GTF2E2: variants seen among roughly 807,000 people sequenced by gnomAD.
GTF2E2 encodes the protein transcription initiation factor IIE subunit beta.
In GTF2E2, 21 loss-of-function variants were observed where a neutral mutation model predicts 40.5. The ratio of observed to expected loss-of-function variants is 0.52; its 90% CI spans 0.37 to 0.75. The LOEUF (loss-of-function observed/expected upper bound fraction) is 0.75, where lower values mean the gene tolerates loss of function less well. Ranked by LOEUF, GTF2E2 falls within the 30% of genes least tolerant of loss-of-function variation. The pLI, the probability that GTF2E2 is intolerant of heterozygous loss-of-function variation, is 0.00. For synonymous variants in GTF2E2, 117 were observed against 121.6 expected (o/e 0.96, Z 0.25); for missense variants, 298 against 338.4 (o/e 0.88, Z 0.94).
intron 2 of GTF2E2, chr8:30,636,926 C>G (rs1254077958): frequency 4.6e-6 from 2 of 437,524 alleles, no homozygotes; most frequent in African/African-American, 4.1e-5. Context: ...GAAATATTAC[C>G]TACGTAGTTC....
At chr8:30,641,869 C>G (rs113541553) in intron 2 of GTF2E2, among the ~76,000 whole-genome samples, 1 of 152,054 alleles carries the variant, frequency 6.6e-6, no homozygotes, top group South Asian at 2.1e-4. Context: ...GAACGAGACT[C>G]TGTCTCAAAC....
intron 3 of GTF2E2, among the ~76,000 whole-genome samples, chr8:30,623,757 T>G (rs529147410): frequency 2.6e-5 from 4 of 152,244 alleles, no homozygotes; most frequent in South Asian, 2.1e-4. Flanking sequence ...TGCATTTCTC[T>G]GATGGCCAGT....
Position 30,657,186 on chromosome 8 carries a change from TGTGTACTAA to T in GTF2E2, c.-5+778_-5+786del, listed in dbSNP as rs564080226. On this transcript the variant is annotated intron_variant, in intron 1 of 7. Coordinates refer to ENST00000355904, the MANE Select transcript of GTF2E2 (RefSeq NM_002095.6). ...CTCCTTTTTCAAAGACTACCCAATA[TGTGTACTAA>T]GTTTTAGATCTCTGGACCCCCCTAT... 8.4e-4 allele frequency among the ~76,000 whole-genome samples: 128 copies of T among 152,272 alleles called. 3 individuals are homozygous for T. The highest frequency in any genetic ancestry group is 7.5e-3 in the Admixed American group (115 of 15,290).
rs1554565396 is a variant in GTF2E2 at position 30,658,143 on chromosome 8, T to TGGCGGTGGCGGC, written c.-176_-175insGCCGCCACCGCC. The TGGCGGTGGCGGC allele has an allele frequency of 7.0e-5, 13 of 185,614 alleles. No individual in the cohort carries two copies. Among genetic ancestry groups the TGGCGGTGGCGGC allele is most frequent in the South Asian group, 2.5e-4 (3 of 11,872 alleles). 11.5% of individuals were successfully genotyped at this position (185,614 alleles called of 1,614,324 possible). A position where few individuals can be genotyped will look rare whatever the true frequency, so the allele number is the denominator to read the frequency against. ...CAGGTCGGGGTCTCACCACTGGCGG[T>TGGCGGTGGCGGC]GGCGGCGGCGGCGGCGGCAGCGGCG... On this transcript the variant is annotated 5_prime_UTR_variant, in exon 1 of 8. Transcript: ENST00000355904.
At position 30,590,583 on chromosome 8, in the gene GTF2E2, A is replaced by G. The variant is rs77928828; in HGVS notation, c.644-10187T>C. On this transcript the variant is annotated intron_variant, in intron 6 of 7. Coordinates refer to ENST00000355904, the MANE Select transcript of GTF2E2 (RefSeq NM_002095.6). ...GGAAAAACCCCTAACTCCTAGAGGA[A>G]AAAACAGAGGTAAATCTTCATGACC... is the stretch of plus-strand genomic sequence containing the variant. Among the ~76,000 whole-genome samples the G allele has an allele frequency of 6.7e-4, 102 of 152,344 alleles. 2 individuals carry two copies. The East Asian group carries it at 0.018, about 27-fold the overall frequency.
At position 30,658,165 on chromosome 8, in the gene GTF2E2, G is replaced by A; in HGVS notation, c.-197C>T. The A allele has an allele frequency of 5.1e-6, 1 of 195,332 alleles. No homozygotes were observed. Among genetic ancestry groups the A allele is most frequent in the Non-Finnish European group, 1.0e-5 (1 of 96,450 alleles). 12.1% of individuals were successfully genotyped at this position (195,332 alleles called of 1,614,324 possible). On this transcript the variant is annotated 5_prime_UTR_variant, in exon 1 of 8. Transcript: ENST00000355904. ...CGGTGGCGGCGGCGGCGGCGGCAGCGGCGGTAGCTGAGGCGGCGACTGGAC... is the reference window on the plus strand; with the variant it reads ...CGGTGGCGGCGGCGGCGGCGGCAGCAGCGGTAGCTGAGGCGGCGACTGGAC...
rs1222666699 is a variant in GTF2E2, at chr8:30,619,457, C to T, written c.259-4742G>A. Among the ~76,000 whole-genome samples, 5 of 149,812 alleles carry T rather than the reference C, an allele frequency of 3.3e-5. No individual in the cohort carries two copies. In the East Asian group the frequency reaches 7.9e-4, roughly 24 times the overall value. On this transcript the variant is annotated intron_variant, in intron 3 of 7. Transcript: ENST00000355904. ...ACGCTGGAGTGCAATGGCATGATCT[C>T]GGCTCACCGCAACCGCCACCTCCCA...
At chr8:30,585,335 A>G (rs570971939) in intron 6 of GTF2E2, among the ~76,000 whole-genome samples, 1 of 152,208 alleles carries the variant, frequency 6.6e-6, no homozygotes, top group Non-Finnish European at 1.5e-5. Context: ...TCTAACACCC[A>G]TCATAATTTT....
At chr8:30,637,386 C>A (rs768312843) in intron 2 of GTF2E2, 9 of 428,978 alleles carry the variant, frequency 2.1e-5, no homozygotes, top group African/African-American at 6.2e-5. Context: ...CTGGCATCTA[C>A]TACTAACTCA....
intron 2 of GTF2E2, chr8:30,645,501 T>C (rs1052895547): frequency 6.5e-7 from 1 of 1,535,684 alleles, no homozygotes; most frequent in South Asian, 1.2e-5. Flanking sequence ...GCTGCTGCTG[T>C]GTAAAAAACA....
chr8:30,623,428 C>T (rs1465064441), intron 3 of GTF2E2, among the ~76,000 whole-genome samples: 1 of 152,086 alleles, frequency 6.6e-6, no homozygotes, highest in African/African-American at 2.4e-5. Flanking sequence ...GCCACATTTT[C>T]TTAATCCAGT....
At chr8:30,646,387 C>T (rs1802075704) in intron 2 of GTF2E2, among the ~76,000 whole-genome samples, 1 of 151,526 alleles carries the variant, frequency 6.6e-6, no homozygotes, top group Non-Finnish European at 1.5e-5. Context: ...AAAGATAGGG[C>T]CACTCAACAC....
chr8:30,657,722 G>A (rs1378864117), intron 1 of GTF2E2: 1 of 152,242 alleles, frequency 6.6e-6, no homozygotes, highest in Admixed American at 6.5e-5. Flanking sequence ...GCTTGGAAGA[G>A]GCACAGTCAG....
Position 30,612,183 on chromosome 8 carries a change from C to G in GTF2E2, c.549+116G>C, listed in dbSNP as rs916297280. The G allele has an allele frequency of 4.6e-6, 3 of 656,446 alleles. No individual in the cohort carries two copies. The African/African-American group carries it at 5.4e-5, about 12-fold the overall frequency. The allele number at this position is 656,446 out of a possible 1,614,324, so 40.7% of individuals were successfully genotyped here. A position where few individuals can be genotyped will look rare whatever the true frequency, so the allele number is the denominator to read the frequency against. ...AAACCTTCAAGTGGCTCACTGTAAC[C>G]CATGTGTATATAATAGAAGCTTTAA... On this transcript the variant is annotated intron_variant, in intron 5 of 7. Coordinates refer to ENST00000355904, the MANE Select transcript of GTF2E2 (RefSeq NM_002095.6).
At position 30,578,974 on chromosome 8, in the gene GTF2E2, C is replaced by T. The variant is rs1209670862; in HGVS notation, c.823G>A (p.Glu275Lys). 8 of 1,610,820 alleles carry T rather than the reference C, an allele frequency of 5.0e-6. No individual in the cohort carries two copies. The East Asian group carries it at 6.7e-5, about 13-fold the overall frequency. The stretch of plus-strand genomic sequence containing the variant: ...TCCTTCAGCACTCCAGCCAAGTGTT[C>T]GTTATGAGTCTTAAAGCGTCGCTTT... ...QKKRRFKTHN[E>K]HLAGVLKDYS... Residue 275 changes from glutamate (E) to lysine (K), a missense_variant, in exon 8 of 8, where the codon GAA becomes AAA. Physicochemically the swap from Glu to Lys is moderately conservative, Grantham distance 56. Coordinates refer to ENST00000355904, the MANE Select transcript of GTF2E2 (RefSeq NM_002095.6).
At chr8:30,650,413 G>T (rs9642778) in intron 2 of GTF2E2, among the ~76,000 whole-genome samples, 28,506 of 151,606 alleles carry the variant, frequency 0.19, 3,360 homozygotes, top group East Asian at 0.43. Flanking sequence ...CTCTCAGTCA[G>T]ATGCAGTAGC....
chr8:30,655,546 C>G (rs1319390159), intron 1 of GTF2E2, among the ~76,000 whole-genome samples: 2 of 152,222 alleles, frequency 1.3e-5, no homozygotes, highest in Non-Finnish European at 2.9e-5. Flanking sequence ...GGAACATCAT[C>G]TTTAAATTGC....
rs55939165 is a variant in GTF2E2, at chr8:30,647,076, A to G, written c.166+6357T>C. ...AATAAATTCACCATATAAAAGTTTT[A>G]ATACAATTATTGATATTATAAATAT... is the stretch of plus-strand genomic sequence containing the variant. On this transcript the variant is annotated intron_variant, in intron 2 of 7. Transcript: ENST00000355904. Among the ~76,000 whole-genome samples, 194 of 151,356 alleles carry G rather than the reference A, an allele frequency of 1.3e-3. 1 individual carries two copies. Among genetic ancestry groups the G allele is most frequent in the African/African-American group, 4.0e-3 (166 of 41,390 alleles).
chr8:30,653,060 A>G (rs1416891403), intron 2 of GTF2E2, among the ~76,000 whole-genome samples: 1 of 152,206 alleles, frequency 6.6e-6, no homozygotes, highest in Non-Finnish European at 1.5e-5. Context: ...AGGGATGGGA[A>G]AAGTCACTGC....
Sources: gnomAD v4.1 joint callset for allele counts (sites outside exome capture counted in the v4.1 genomes callset) on GRCh38, gnomAD v4.1.1 for gene constraint, MANE v1.5 for transcripts, NCBI Gene and HGNC (gene_info 2026-07-23, HGNC 2026-07-21) for gene names.